Variants in ECT2L observed in about 807,000 individuals in gnomAD.
ECT2L encodes the protein epithelial cell transforming 2 like.
In ECT2L, 126 loss-of-function variants were observed where a neutral mutation model predicts 122.8. The ratio of observed to expected loss-of-function variants is 1.03; its 90% CI spans 0.89 to 1.19. ECT2L has a LOEUF of 1.19. Ranked by LOEUF, ECT2L falls within the 50% of genes most tolerant of loss-of-function variation. The probability of loss-of-function intolerance (pLI) is 0.00; values close to 1 mark genes in which losing one functional copy is unlikely to be tolerated. For synonymous variants in ECT2L, 385 were observed against 381.8 expected (o/e 1.01, Z -0.10); for missense variants, 1,012 against 1,064.1 (o/e 0.95, Z 0.68).
chr6:138,813,814 G>A (rs917220311), intron 3 of ECT2L, among the ~76,000 whole-genome samples: 1 of 152,148 alleles, frequency 6.6e-6, no homozygotes, highest in African/African-American at 2.4e-5. Context: ...AATAGAGAAG[G>A]CAAACTGGGT....
intron 13 of ECT2L, among the ~76,000 whole-genome samples, chr6:138,873,890 G>GTGTGTGTGTGTGTGTGTGTGTA (rs1554276978): frequency 2.0e-4 from 26 of 130,606 alleles, no homozygotes; most frequent in African/African-American, 5.2e-4. Flanking sequence ...GTGTGTGTGT[G>GTGTGTGTGTGTGTGTGTGTGTA]TGTGTGTGTG....
chr6:138,887,104 G>T (rs1778851122), intron 19 of ECT2L, among the ~76,000 whole-genome samples, 182 bp downstream of exon 19: 1 of 152,164 alleles, frequency 6.6e-6, no homozygotes, highest in Non-Finnish European at 1.5e-5. Context: ...TATAAGAAGG[G>T]GCACAAGTGA....
intron 13 of ECT2L, among the ~76,000 whole-genome samples, chr6:138,871,557 G>C (rs59326858): frequency 6.6e-6 from 1 of 152,116 alleles, no homozygotes; most frequent in Non-Finnish European, 1.5e-5. Flanking sequence ...TGTAATCCCA[G>C]CCCTTTGGGA....
At chr6:138,896,092 A>ATTTTT (rs74686619) in intron 20 of ECT2L, among the ~76,000 whole-genome samples, 1 of 139,756 alleles carries the variant, frequency 7.2e-6, no homozygotes, top group African/African-American at 2.7e-5. Flanking sequence ...TCATTGCTGA[A>ATTTTT]TTTTTTTTTT....
chr6:138,813,412 A>C, intron 3 of ECT2L, 72 bp downstream of exon 3: 521 of 1,136,684 alleles, frequency 4.6e-4, no homozygotes, highest in Middle Eastern at 6.1e-4. Flanking sequence ...ATTGGGTCTC[A>C]TGTTGCCACA....
chr6:138,895,273 A>G lies in ECT2L; in HGVS notation c.2415-5675A>G, dbSNP rs141359087. ...AAACATACTCTGCTTGTATTTATAC[A>G]TACAGTACCAACTCATATAAGGCTT... is the stretch of plus-strand genomic sequence containing the variant. On this transcript the variant is annotated intron_variant, in intron 20 of 21. Transcript: ENST00000541398. Among the ~76,000 whole-genome samples the G allele has an allele frequency of 3.0e-3, 450 of 152,288 alleles. 1 individual carries two copies. The highest frequency in any genetic ancestry group is 0.01 in the African/African-American group (428 of 41,552).
At chr6:138,848,140 C>A (rs756105057) in intron 8 of ECT2L, among the ~76,000 whole-genome samples, 10 of 152,140 alleles carry the variant, frequency 6.6e-5, no homozygotes, top group Non-Finnish European at 1.5e-4. Context: ...CCCACCAGGT[C>A]CCTCCCTCGA....
At chr6:138,832,651 G>C (rs9389624) in intron 4 of ECT2L, among the ~76,000 whole-genome samples, 1 of 152,028 alleles carries the variant, frequency 6.6e-6, no homozygotes, top group Non-Finnish European at 1.5e-5. Flanking sequence ...CTGGACTCCT[G>C]TCAGTAGGAA....
At chr6:138,873,000 G>A (rs1778309204) in intron 13 of ECT2L, among the ~76,000 whole-genome samples, 1 of 152,210 alleles carries the variant, frequency 6.6e-6, no homozygotes, top group Non-Finnish European at 1.5e-5. Context: ...ACTTGGAGCA[G>A]TTCCTCTGAG....
Position 138,838,182 on chromosome 6 carries a change from A to C in ECT2L, c.180-170A>C, listed in dbSNP as rs1776909705. Among the ~76,000 whole-genome samples, 3 of 152,174 alleles carry C rather than the reference A, an allele frequency of 2.0e-5. No homozygotes were observed. In the South Asian group the frequency reaches 6.2e-4, roughly 31 times the overall value. ...CTCCCAAAGTGCCAGGATTACAAGC[A>C]TGAGCCACGGCACCTGGCCTGAAAA... is the stretch of plus-strand genomic sequence containing the variant. On this transcript the variant is annotated intron_variant, in intron 4 of 21. Transcript: ENST00000541398.
chr6:138,899,170 A>G (rs1238782516), intron 20 of ECT2L, among the ~76,000 whole-genome samples: 2 of 151,928 alleles, frequency 1.3e-5, no homozygotes. Flanking sequence ...AAAATGAAGT[A>G]AGAGAGAGAG....
intron 15 of ECT2L, among the ~76,000 whole-genome samples, chr6:138,882,379 T>C (rs1778671731): frequency 6.6e-6 from 1 of 152,160 alleles, no homozygotes; most frequent in South Asian, 2.1e-4. Flanking sequence ...TTGAAGACAG[T>C]GGAGCACTCT....
intron 4 of ECT2L, among the ~76,000 whole-genome samples, chr6:138,825,396 A>G (rs1245196147): frequency 6.6e-6 from 1 of 152,150 alleles, no homozygotes; most frequent in Non-Finnish European, 1.5e-5. Context: ...CCTGGCCAAC[A>G]TGGTGAAACC....
At position 138,802,734 on chromosome 6, in the gene ECT2L, C is replaced by T. The variant is rs144863875; in HGVS notation, c.-244+6542C>T. Among the ~76,000 whole-genome samples, 198 of 152,268 alleles carry T rather than the reference C, an allele frequency of 1.3e-3. 1 individual carries two copies. Among genetic ancestry groups the T allele is most frequent in the African/African-American group, 4.5e-3 (187 of 41,558 alleles). On this transcript the variant is annotated intron_variant, in intron 1 of 21. Coordinates refer to ENST00000541398, the MANE Select transcript of ECT2L (RefSeq NM_001077706.3). ...AGTAGTAATTGCCAGGCTGCCATTT[C>T]TCCCTGGGTTGAATAGTCAACGAAA...
At chr6:138,816,409 G>A (rs1194977408) in intron 4 of ECT2L, among the ~76,000 whole-genome samples, 1 of 151,892 alleles carries the variant, frequency 6.6e-6, no homozygotes, top group Non-Finnish European at 1.5e-5. Context: ...TTGTTTGTTT[G>A]TTTTTGGATA....
At chr6:138,891,712 T>C (rs1434567428) in intron 20 of ECT2L, among the ~76,000 whole-genome samples, 1 of 152,170 alleles carries the variant, frequency 6.6e-6, no homozygotes, top group Non-Finnish European at 1.5e-5. Flanking sequence ...ATGTATAAAA[T>C]CAAGCTGTAA....
intron 10 of ECT2L, among the ~76,000 whole-genome samples, chr6:138,855,618 AT>A (rs1180035718): frequency 6.6e-6 from 1 of 152,234 alleles, no homozygotes; most frequent in Non-Finnish European, 1.5e-5. Flanking sequence ...CTACTTTGAA[AT>A]TAGTTTTAAA....
At chr6:138,853,995 C>T in intron 9 of ECT2L, 31 bp from the exon 10 acceptor site, 1 of 1,606,224 alleles carries the variant, frequency 6.2e-7, no homozygotes, top group Non-Finnish European at 8.5e-7. Flanking sequence ...ATGTTACAAG[C>T]TAATATGACA....
At chr6:138,822,422 GC>G (rs1338670245) in intron 4 of ECT2L, among the ~76,000 whole-genome samples, 1 of 152,168 alleles carries the variant, frequency 6.6e-6, no homozygotes, top group Non-Finnish European at 1.5e-5. Context: ...GGGTGCTGTG[GC>G]GTGTGCCTGT....
Sources: allele counts gnomAD v4.1 joint callset (sites outside exome capture counted in the v4.1 genomes callset), GRCh38; gene constraint gnomAD v4.1.1; transcripts MANE v1.5; gene names NCBI Gene and HGNC (gene_info 2026-07-23, HGNC 2026-07-21).